Variants in ADK observed in about 807,000 individuals in gnomAD.
The protein encoded by ADK is N6,N6-dimethyladenosine kinase.
A neutral mutation model predicts 44.7 loss-of-function variants in ADK; 24 were observed. The observed-to-expected ratio is 0.54, with a 90% CI of 0.39 to 0.76. The LOEUF (loss-of-function observed/expected upper bound fraction) is 0.76. Ranked by LOEUF, ADK falls within the 30% of genes least tolerant of loss-of-function variation. The pLI is 0.00. For synonymous variants in ADK, 128 were observed against 142.6 expected (o/e 0.90, Z 0.73); for missense variants, 321 against 425.1 (o/e 0.76, Z 2.15).
At chr10:74,291,577 A>G (rs1465140794) in intron 3 of ADK, among the ~76,000 whole-genome samples, 1 of 152,198 alleles carries the variant, frequency 6.6e-6, no homozygotes, top group Non-Finnish European at 1.5e-5. Flanking sequence ...TGCAGGATGT[A>G]CAGCAGTGGT....
intron 7 of ADK, among the ~76,000 whole-genome samples, chr10:74,531,105 AT>A (rs1264041640): frequency 1.3e-5 from 2 of 152,198 alleles, no homozygotes; most frequent in Non-Finnish European, 2.9e-5. Context: ...TCAGCTGAGT[AT>A]GAATCAGTGC....
At chr10:74,169,510 G>A (rs1842110114) in intron 1 of ADK, among the ~76,000 whole-genome samples, 1 of 152,148 alleles carries the variant, frequency 6.6e-6, no homozygotes, top group Admixed American at 6.5e-5. Flanking sequence ...AGGGAGTTTT[G>A]CTAAGAATTC....
At chr10:74,459,711 G>C (rs1420016132) in intron 6 of ADK, among the ~76,000 whole-genome samples, 1 of 112,444 alleles carries the variant, frequency 8.9e-6, no homozygotes, top group African/African-American at 3.2e-5. Flanking sequence ...CCTGGCAATA[G>C]AGCAAGACTC....
At chr10:74,333,818 T>TA (rs1226692958) in intron 4 of ADK, among the ~76,000 whole-genome samples, 1 of 152,128 alleles carries the variant, frequency 6.6e-6, no homozygotes, top group Admixed American at 6.6e-5. Context: ...ATGAATACTG[T>TA]AAACATTAAG....
At chr10:74,379,258 G>T (rs1189956956) in intron 4 of ADK, among the ~76,000 whole-genome samples, 1 of 152,118 alleles carries the variant, frequency 6.6e-6, no homozygotes, top group Non-Finnish European at 1.5e-5. Flanking sequence ...AAGCAGTTAT[G>T]GTAACTTGGA....
intron 1 of ADK, among the ~76,000 whole-genome samples, chr10:74,164,555 CT>C (rs563014316): frequency 6.8e-4 from 102 of 150,674 alleles, no homozygotes; most frequent in Non-Finnish European, 1.4e-3. Context: ...AAAATTTGTC[CT>C]TTTTTTTTGG....
intron 6 of ADK, among the ~76,000 whole-genome samples, chr10:74,521,184 C>T (rs189456081): frequency 6.6e-6 from 1 of 152,128 alleles, no homozygotes; most frequent in Admixed American, 6.5e-5. Flanking sequence ...TCTAACAGAG[C>T]ATAAACCCCA....
intron 3 of ADK, among the ~76,000 whole-genome samples, chr10:74,275,444 G>C (rs7477710): frequency 0.48 from 72,718 of 151,816 alleles, 20,047 homozygotes; most frequent in Non-Finnish European, 0.62. Context: ...AACTAGGACA[G>C]ATCTTAAGGT....
Position 74,527,929 on chromosome 10 carries a change from C to T in ADK, c.726+2503C>T, listed in dbSNP as rs140453920. Reference sequence around the variant, plus strand: ...GAAAGCTGTCATCTATAGGTTTCTTCGACTTCATTGTGGCCTTTGGATGAG... The same window carrying T: ...GAAAGCTGTCATCTATAGGTTTCTTTGACTTCATTGTGGCCTTTGGATGAG... On this transcript the variant is annotated intron_variant, in intron 7 of 10. Coordinates refer to ENST00000539909, the MANE Select transcript of ADK (RefSeq NM_006721.4). The T allele has an allele frequency of 5.4e-5, 42 of 780,390 alleles. No individual in the cohort carries two copies. The East Asian group carries it at 9.5e-4, about 18-fold the overall frequency. The allele number at this position is 780,390 out of a possible 1,614,324, so 48.3% of individuals were successfully genotyped here.
intron 6 of ADK, among the ~76,000 whole-genome samples, chr10:74,495,574 A>G (rs1564753999): frequency 6.6e-6 from 1 of 152,176 alleles, no homozygotes; most frequent in Admixed American, 6.5e-5. Context: ...GGTCAGGAAA[A>G]GGGTCAGAAG....
chr10:74,210,732 A>G (rs1243794236), intron 2 of ADK, among the ~76,000 whole-genome samples: 2 of 152,216 alleles, frequency 1.3e-5, no homozygotes, highest in Non-Finnish European at 2.9e-5. Flanking sequence ...ATTTCTATAA[A>G]TAAAAATTTA....
intron 10 of ADK, among the ~76,000 whole-genome samples, chr10:74,698,421 A>G (rs1218202071): frequency 6.6e-6 from 1 of 152,258 alleles, no homozygotes; most frequent in Non-Finnish European, 1.5e-5. Flanking sequence ...ACCACAAGCC[A>G]GTGGCACTGG....
chr10:74,492,523 A>G (rs941941881), intron 6 of ADK, among the ~76,000 whole-genome samples: 6 of 152,212 alleles, frequency 3.9e-5, no homozygotes, highest in African/African-American at 1.4e-4. Context: ...TGTGACATAA[A>G]GGATGCTAAC....
intron 10 of ADK, among the ~76,000 whole-genome samples, chr10:74,680,409 T>C (rs771689997): frequency 3.3e-5 from 5 of 152,182 alleles, no homozygotes; most frequent in Non-Finnish European, 5.9e-5. Flanking sequence ...GTGTATGTTG[T>C]AGGTATACTT....
rs532560343 is a variant in ADK, at chr10:74,667,127, G to A, written c.878-3056G>A. Reference sequence around the variant, plus strand: ...ATTACAGGCATGAGCCACTGTGCCCGGCCATGACTTTTTATAATAGATCTG... The same window carrying A: ...ATTACAGGCATGAGCCACTGTGCCCAGCCATGACTTTTTATAATAGATCTG... On this transcript the variant is annotated intron_variant, in intron 9 of 10. Transcript: ENST00000539909. 2.5e-3 allele frequency among the ~76,000 whole-genome samples: 386 copies of A among 152,168 alleles called. 2 individuals carry two copies. Among genetic ancestry groups the A allele is most frequent in the Admixed American group, 8.0e-3 (123 of 15,284 alleles).
chr10:74,232,913 C>T (rs922333326), intron 3 of ADK, among the ~76,000 whole-genome samples: 21 of 152,132 alleles, frequency 1.4e-4, no homozygotes, highest in Non-Finnish European at 1.2e-4. Context: ...CGTAAGCCAC[C>T]GCGTCTGGCC....
At chr10:74,509,394 T>G (rs1174280120) in intron 6 of ADK, 1 of 152,338 alleles carries the variant, frequency 6.6e-6, no homozygotes, top group African/African-American at 2.4e-5. Context: ...GGTTTCACCA[T>G]GTTGGCCGGG....
chr10:74,697,172 A>G, intron 10 of ADK, among the ~76,000 whole-genome samples: 1 of 152,332 alleles, frequency 6.6e-6, no homozygotes, highest in East Asian at 1.9e-4. Flanking sequence ...AAATAGAGCC[A>G]CTGACATGTA....
intron 6 of ADK, among the ~76,000 whole-genome samples, chr10:74,523,029 A>G (rs1409013883): frequency 6.6e-6 from 1 of 152,138 alleles, no homozygotes; most frequent in Non-Finnish European, 1.5e-5. Context: ...TCAAATTAGC[A>G]ACATATCTGG....
Sources: allele counts gnomAD v4.1 joint callset (sites outside exome capture counted in the v4.1 genomes callset), GRCh38; gene constraint gnomAD v4.1.1; transcripts MANE v1.5; gene names NCBI Gene and HGNC (gene_info 2026-07-23, HGNC 2026-07-21).